The following C1QL1 variants were observed in gnomAD, a reference collection of about 807,000 sequenced individuals.
C1QL1 encodes complement C1q like 1.
C1QL1 carries 15 observed loss-of-function variants against 14.2 expected under a neutral mutation model. The ratio of observed to expected loss-of-function variants is 1.06; its 90% confidence interval spans 0.71 to 1.62. C1QL1 has a LOEUF of 1.62. Ranked by LOEUF, C1QL1 falls within the 40% of genes most tolerant of loss-of-function variation. The pLI, the probability that C1QL1 is intolerant of heterozygous loss-of-function variation, is 0.00. For synonymous variants in C1QL1, 172 were observed against 172.4 expected, an observed-to-expected ratio of 1.00 and a Z score of 0.02; for missense variants, 346 against 380.3, an observed-to-expected ratio of 0.91 and a Z score of 0.75.
At position 44,959,891 on chromosome 17, in the gene C1QL1, G is replaced by C. The variant is rs955934142; in HGVS notation, c.*297C>G. On this transcript the variant is annotated 3_prime_UTR_variant, in exon 2 of 2. Coordinates refer to ENST00000253407, the MANE Select transcript of C1QL1 (RefSeq NM_006688.5). ...GCGACCTCTCCCCAGGCTGGGGTGG[G>C]CTGGCAGGCGGAGGTGGGCAGTAAA... The C allele has an allele frequency of 1.0e-5, 3 of 292,902 alleles. No homozygotes were observed. The highest frequency in any genetic ancestry group is 1.3e-4 in the South Asian group (2 of 15,432). The allele number at this position is 292,902 out of a possible 1,614,324, so 18.1% of individuals were successfully genotyped here.
Position 44,967,666 on chromosome 17 carries a change from G to C in C1QL1, c.383C>G (p.Pro128Arg). 6.2e-7 allele frequency: 1 copy of C among 1,613,520 alleles called. No individual in the cohort carries two copies. The highest frequency in any genetic ancestry group is 8.5e-7 in the Non-Finnish European group (1 of 1,179,856). The change falls in exon 1 of 2, where the codon CCG becomes CGG. Residue 128 changes from proline (P) to arginine (R), a missense_variant. Transcript: ENST00000253407. The surrounding 1 kb of genome is among the most constrained non-coding windows in gnomAD (Gnocchi z 7.0). Reference protein sequence around the residue: ...AISTATYTTVPRVAFYAGLKN... With the variant: ...AISTATYTTVRRVAFYAGLKN... ...GAGGCCGGCGTAGAAGGCCACGCGC[G>C]GCACCGTGGTGTAGGTGGCAGTGCT...
chr17:44,962,571 A>G (rs2052634327), intron 1 of C1QL1, among the ~76,000 whole-genome samples: 1 of 152,234 alleles, frequency 6.6e-6, no homozygotes, highest in Non-Finnish European at 1.5e-5. Flanking sequence ...ATAAAGAAAA[A>G]AAAACATTAG....
chr17:44,960,483 C>T (rs1435494551), intron 1 of C1QL1, 116 bp from the exon 2 acceptor site: 2 of 688,250 alleles, frequency 2.9e-6, no homozygotes, highest in Non-Finnish European at 5.1e-6. Context: ...CCTCCAGCCT[C>T]GCCTCATCCC....
chr17:44,961,910 A>AAAAAAG (rs1555585742), intron 1 of C1QL1, among the ~76,000 whole-genome samples: 1 of 129,688 alleles, frequency 7.7e-6, no homozygotes, highest in African/African-American at 3.2e-5. Flanking sequence ...AAAAAAAAAA[A>AAAAAAG]AGAGAGAGAG....
rs779764411 is a variant in C1QL1, at chr17:44,960,182, G to C, written c.*6C>G. On this transcript the variant is annotated 3_prime_UTR_variant, in exon 2 of 2. Transcript: ENST00000253407. ...AGGGACGTGGGTGGAGGGAGACGTGGGGAGCTCAGTCGGAGTAGATGATGA... is the reference window on the plus strand; with the variant it reads ...AGGGACGTGGGTGGAGGGAGACGTGCGGAGCTCAGTCGGAGTAGATGATGA... 3 of 1,613,708 alleles carry C rather than the reference G, an allele frequency of 1.9e-6. No individual in the cohort carries two copies. The highest frequency in any genetic ancestry group is 1.1e-5 in the South Asian group (1 of 91,056).
chr17:44,964,019 T>C (rs2052642615), intron 1 of C1QL1, among the ~76,000 whole-genome samples: 1 of 152,146 alleles, frequency 6.6e-6, no homozygotes, highest in Non-Finnish European at 1.5e-5. Context: ...TTCCCCAGGC[T>C]CCTTGCATCC....
At chr17:44,964,268 G>A (rs1196759842) in intron 1 of C1QL1, among the ~76,000 whole-genome samples, 1 of 152,234 alleles carries the variant, frequency 6.6e-6, no homozygotes, top group African/African-American at 2.4e-5. Context: ...AGTGCTCAGG[G>A]TGGCCCCTGG....
At chr17:44,960,740 C>T (rs962882229) in intron 1 of C1QL1, among the ~76,000 whole-genome samples, 30 of 152,336 alleles carry the variant, frequency 2.0e-4, no homozygotes, top group African/African-American at 6.7e-4. Context: ...GAATGGAGGG[C>T]CTTCCCTACT....
intron 1 of C1QL1, among the ~76,000 whole-genome samples, chr17:44,961,902 AAAAAAAAAAG>A (rs1344380688): frequency 2.0e-5 from 3 of 148,526 alleles, no homozygotes; most frequent in Non-Finnish European, 4.5e-5. Flanking sequence ...CAAAAAAAAA[AAAAAAAAAAG>A]AGAGAGAGAG....
chr17:44,964,522 G>A (rs2052646207), intron 1 of C1QL1, among the ~76,000 whole-genome samples: 1 of 152,164 alleles, frequency 6.6e-6, no homozygotes, highest in Non-Finnish European at 1.5e-5. Flanking sequence ...CTCCCTCCCA[G>A]CCAACACATT....
intron 1 of C1QL1, among the ~76,000 whole-genome samples, 173 bp from the exon 2 acceptor site, chr17:44,960,540 T>C (rs564171719): frequency 6.6e-6 from 1 of 152,158 alleles, no homozygotes; most frequent in Admixed American, 6.5e-5. Context: ...ACAGGACTTG[T>C]TTCAGGAAAG....
rs1401553686 is a variant in C1QL1, at chr17:44,967,784, G to A, written c.265C>T (p.Pro89Ser). Residue 89 changes from proline to serine, a missense_variant, in exon 1 of 2, where the codon CCT becomes TCT. Physicochemically the swap from Pro to Ser is moderately conservative, Grantham distance 74. Transcript: ENST00000253407. The surrounding 1 kb of genome is among the most constrained non-coding windows in gnomAD (Gnocchi z 7.0). ...CCCGGCGGCCCCACAGGGCCGGGAG[G>A]ACCTGGGTCCCCGGGAGGCCCCGGA... ...GPPGPPGDPG[P>S]PGPVGPPGEK... 16 of 1,492,982 alleles carry A rather than the reference G, an allele frequency of 1.1e-5. No individual in the cohort carries two copies. The African/African-American group carries it at 1.2e-4, about 11-fold the overall frequency. The allele number at this position is 1,492,982 out of a possible 1,614,324, so 92.5% of individuals were successfully genotyped here. A position where few individuals can be genotyped will look rare whatever the true frequency, so the allele number is the denominator to read the frequency against.
In C1QL1 at chr17:44,967,535, C is replaced by T. The variant is rs1359448993; in HGVS notation, c.514G>A (p.Gly172Ser). 2.5e-6 allele frequency: 4 copies of T among 1,614,064 alleles called. No individual in the cohort carries two copies. Among genetic ancestry groups the T allele is most frequent in the Non-Finnish European group, 3.4e-6 (4 of 1,179,942 alleles). ...ACATGGTAGGTGAAAAAGTAGGTGC[C>T]GGGAATGTTGCACGTAAACTTGCCG... ...ASGKFTCNIP[G>S]TYFFTYHVLM... is the part of the protein sequence containing the mutation. Residue 172 changes from glycine to serine, a missense_variant, in exon 1 of 2, where the codon GGC becomes AGC. Gly to Ser is a moderately conservative substitution (Grantham distance 56). Transcript: ENST00000253407. This position sits in a 1 kb window ranked among gnomAD's most constrained non-coding sequence, Gnocchi z 7.0.
At chr17:44,960,477 C>A in intron 1 of C1QL1, 110 bp from the exon 2 acceptor site, 4 of 727,322 alleles carry the variant, frequency 5.5e-6, no homozygotes, top group Non-Finnish European at 9.4e-6. Flanking sequence ...ACCTGGCCTC[C>A]AGCCTCGCCT....
At chr17:44,960,455 GCAGACCCAGAAA>G (rs3024299) in intron 1 of C1QL1, 88 bp from the exon 2 acceptor site, 30,883 of 921,350 alleles carry the variant, frequency 0.034, 1,097 homozygotes, top group African/African-American at 0.16. Context: ...GGGAGGATCA[GCAGACCCAGAAA>G]CCTGGCCTCC....
chr17:44,965,159 C>G (rs931960980), intron 1 of C1QL1, among the ~76,000 whole-genome samples: 2 of 152,116 alleles, frequency 1.3e-5, no homozygotes, highest in Non-Finnish European at 2.9e-5. Flanking sequence ...ACTACAGGTG[C>G]CTGCCACCAC....
chr17:44,966,936 C>T (rs1783263669), intron 1 of C1QL1, among the ~76,000 whole-genome samples: 1 of 152,244 alleles, frequency 6.6e-6, no homozygotes, highest in Non-Finnish European at 1.5e-5. Context: ...GCACTGCAGC[C>T]AGGGCTGTAA....
Position 44,967,971 on chromosome 17 carries a change from GC to G in C1QL1, c.77del (p.Gly26AlafsTer27). 7.3e-7 allele frequency: 1 copy of G among 1,366,124 alleles called. No homozygotes were observed. 84.6% of individuals were successfully genotyped at this position (1,366,124 alleles called of 1,614,324 possible). A position where few individuals can be genotyped will look rare whatever the true frequency, so the allele number is the denominator to read the frequency against. On this transcript the variant is annotated frameshift_variant, in exon 1 of 2. Coordinates refer to ENST00000253407, the MANE Select transcript of C1QL1 (RefSeq NM_006688.5). LOFTEE classifies it high-confidence loss of function. The surrounding 1 kb of genome is among the most constrained non-coding windows in gnomAD (Gnocchi z 7.0). ...AGGGGTCGCACACCATGCGGCAGGTGCCCAGCATCTCATAGTGGCCTTCCGG... is the reference window on the plus strand; with the variant it reads ...AGGGGTCGCACACCATGCGGCAGGTGCCAGCATCTCATAGTGGCCTTCCGG... ...GGPEGHYEMLGTCRMVCDPYP... is the reference protein window; with the variant it reads ...GGPEGHYEMLXTCRMVCDPYP...
chr17:44,967,919 C>G lies in C1QL1; in HGVS notation c.130G>C (p.Ala44Pro), dbSNP rs2052667159. 1 of 1,258,878 alleles carries G rather than the reference C, an allele frequency of 7.9e-7. No individual in the cohort carries two copies. Among genetic ancestry groups the G allele is most frequent in the African/African-American group, 1.6e-5 (1 of 64,360 alleles). 78.0% of individuals were successfully genotyped at this position (1,258,878 alleles called of 1,614,324 possible). A position where few individuals can be genotyped will look rare whatever the true frequency, so the allele number is the denominator to read the frequency against. ...AGGGCGTCGCCGCCGTCGGTCCGCG[C>G]GCCGGCGCCGGGGCCCCGCGCGGGG... Reference protein sequence around the residue: ...PYPARGPGAGARTDGGDALSE... With the variant: ...PYPARGPGAGPRTDGGDALSE... The change falls in exon 1 of 2, where the codon GCG (alanine) becomes CCG (proline). Residue 44 changes from alanine to proline, a missense_variant. Transcript: ENST00000253407. The surrounding 1 kb of genome is among the most constrained non-coding windows in gnomAD (Gnocchi z 7.0).
Sources: allele counts gnomAD v4.1 joint callset (sites outside exome capture counted in the v4.1 genomes callset), GRCh38; gene constraint gnomAD v4.1.1; non-coding constraint Gnocchi (gnomAD v3.1); transcripts MANE v1.5; gene names NCBI Gene and HGNC (gene_info 2026-07-23, HGNC 2026-07-21).